Variants in CNTN5 observed in about 807,000 individuals in gnomAD.
The protein encoded by CNTN5 is contactin-5.
In CNTN5, 77 loss-of-function variants were observed where a neutral mutation model predicts 129.1. The observed-to-expected ratio is 0.60, with a 90% CI of 0.50 to 0.72. The LOEUF (loss-of-function observed/expected upper bound fraction) is 0.72. Among genes scored for constraint, CNTN5 ranks in the 30% least tolerant of loss-of-function variants. CNTN5 has a pLI of 0.00. For missense variants in CNTN5, 1,478 were observed against 1,328.8 expected (o/e 1.11, Z -1.75); for synonymous variants, 509 against 465.6 (o/e 1.09, Z -1.20).
intron 6 of CNTN5, among the ~76,000 whole-genome samples, chr11:99,897,257 T>C (rs894117100): frequency 1.3e-5 from 2 of 151,928 alleles, no homozygotes; most frequent in Non-Finnish European, 2.9e-5. Context: ...AATTAAAAAA[T>C]ATTGCTAGAG....
At chr11:99,625,661 T>C (rs967668774) in intron 3 of CNTN5, among the ~76,000 whole-genome samples, 15 of 152,136 alleles carry the variant, frequency 9.9e-5, no homozygotes, top group Non-Finnish European at 2.1e-4. Context: ...AATAAATGAC[T>C]ATGGAAGTAC....
At chr11:99,023,159 A>G (rs1862958679) in intron 1 of CNTN5, among the ~76,000 whole-genome samples, 1 of 152,224 alleles carries the variant, frequency 6.6e-6, no homozygotes, top group Non-Finnish European at 1.5e-5. Flanking sequence ...GTGGTCTGAA[A>G]CAATTCTTAG....
chr11:99,157,587 T>C (rs1860396474), intron 1 of CNTN5, among the ~76,000 whole-genome samples: 1 of 152,098 alleles, frequency 6.6e-6, no homozygotes, highest in Non-Finnish European at 1.5e-5. Context: ...AATGTTTTGG[T>C]AAAAATATAC....
At chr11:99,610,940 C>A (rs933764683) in intron 3 of CNTN5, among the ~76,000 whole-genome samples, 1 of 152,132 alleles carries the variant, frequency 6.6e-6, no homozygotes, top group East Asian at 1.9e-4. Context: ...ACACACAATC[C>A]TAAGTACCCA....
intron 9 of CNTN5, among the ~76,000 whole-genome samples, chr11:100,007,742 C>T (rs774777881): frequency 2.6e-5 from 4 of 151,984 alleles, no homozygotes; most frequent in South Asian, 2.1e-4. Flanking sequence ...GCTTTCTTAT[C>T]ATTTGTGTTT....
At position 99,734,814 on chromosome 11, in the gene CNTN5, T is replaced by C. The variant is rs1289845727; in HGVS notation, c.56-84730T>C. 2.0e-5 allele frequency among the ~76,000 whole-genome samples: 3 copies of C among 151,968 alleles called. No individual in the cohort carries two copies. The East Asian group carries it at 5.8e-4, about 29-fold the overall frequency. On this transcript the variant is annotated intron_variant, in intron 3 of 24. Transcript: ENST00000524871. The stretch of plus-strand genomic sequence containing the variant: ...ACCTATACAATAGTCTCTTTAAAAG[T>C]TGGGTAACCCCGTGAAACCCCGTCT...
intron 1 of CNTN5, among the ~76,000 whole-genome samples, chr11:99,046,796 A>G (rs1349587824): frequency 6.6e-6 from 1 of 152,118 alleles, no homozygotes; most frequent in Non-Finnish European, 1.5e-5. Context: ...AGAATACTCA[A>G]ACATCTTACT....
chr11:99,383,680 A>C (rs1017592262), intron 2 of CNTN5, among the ~76,000 whole-genome samples: 8 of 152,146 alleles, frequency 5.3e-5, no homozygotes, highest in Non-Finnish European at 7.4e-5. Context: ...ATTTATTTAA[A>C]ATATTTTTGT....
At chr11:99,782,177 C>G (rs968350010) in intron 3 of CNTN5, among the ~76,000 whole-genome samples, 1 of 149,316 alleles carries the variant, frequency 6.7e-6, no homozygotes, top group African/African-American at 2.5e-5. Flanking sequence ...TTCTTATACA[C>G]CAACAACAGA....
At chr11:99,701,765 G>T (rs1343825432) in intron 3 of CNTN5, among the ~76,000 whole-genome samples, 1 of 150,886 alleles carries the variant, frequency 6.6e-6, no homozygotes, top group Non-Finnish European at 1.5e-5. Flanking sequence ...TCTACATTTA[G>T]AATTGTTCTC....
At chr11:99,450,622 G>A (rs547539033) in intron 2 of CNTN5, among the ~76,000 whole-genome samples, 1 of 152,190 alleles carries the variant, frequency 6.6e-6, no homozygotes, top group East Asian at 1.9e-4. Context: ...TTCAAACCCT[G>A]CCTAACTAAA....
intron 1 of CNTN5, among the ~76,000 whole-genome samples, chr11:99,258,953 C>A (rs1480230706): frequency 1.3e-5 from 2 of 151,606 alleles, no homozygotes; most frequent in African/African-American, 2.4e-5. Flanking sequence ...ATTAAAGTTT[C>A]TATCTTTAGG....
intron 6 of CNTN5, among the ~76,000 whole-genome samples, chr11:99,904,185 T>TTTGTAACATAGGTA (rs1161701430): frequency 6.6e-6 from 1 of 152,150 alleles, no homozygotes; most frequent in African/African-American, 2.4e-5. Flanking sequence ...AATGTGCAGG[T>TTTGTAACATAGGTA]TTGTAACATA....
chr11:99,037,768 C>T (rs1018361527), intron 1 of CNTN5, among the ~76,000 whole-genome samples: 5 of 151,204 alleles, frequency 3.3e-5, no homozygotes, highest in African/African-American at 9.7e-5. Context: ...TTAGTAGAGA[C>T]GGGGTTTCAC....
At chr11:99,829,708 G>C (rs757296872) in intron 4 of CNTN5, among the ~76,000 whole-genome samples, 7 of 152,162 alleles carry the variant, frequency 4.6e-5, no homozygotes, top group African/African-American at 7.2e-5. Flanking sequence ...AGGAACAACT[G>C]AGTTGTTAAT....
intron 9 of CNTN5, among the ~76,000 whole-genome samples, chr11:100,059,379 G>A (rs182485798): frequency 6.6e-6 from 1 of 152,158 alleles, no homozygotes; most frequent in Admixed American, 6.6e-5. Context: ...CTATAGACGT[G>A]TTTTCTTCTC....
intron 2 of CNTN5, among the ~76,000 whole-genome samples, chr11:99,340,757 A>G (rs1403250059): frequency 6.6e-6 from 1 of 152,186 alleles, no homozygotes; most frequent in Non-Finnish European, 1.5e-5. Flanking sequence ...AGAAACAATC[A>G]TAAAAATAAT....
intron 1 of CNTN5, among the ~76,000 whole-genome samples, chr11:99,128,001 A>T (rs117368712): frequency 0.048 from 7,266 of 152,324 alleles, 195 homozygotes; most frequent in Middle Eastern, 0.065. Context: ...AATATAATAA[A>T]TAAATATGTT....
At chr11:99,931,393 C>T (rs185218774) in intron 7 of CNTN5, among the ~76,000 whole-genome samples, 2 of 152,080 alleles carry the variant, frequency 1.3e-5, no homozygotes, top group African/African-American at 4.8e-5. Flanking sequence ...TTAGACACAG[C>T]ATAAGGAAAA....
Sources: allele counts gnomAD v4.1 joint callset (sites outside exome capture counted in the v4.1 genomes callset), GRCh38; gene constraint gnomAD v4.1.1; transcripts MANE v1.5; gene names NCBI Gene and HGNC (gene_info 2026-07-23, HGNC 2026-07-21).